BMPR1A: variants seen among roughly 807,000 people sequenced by gnomAD.
BMPR1A encodes the protein bone morphogenetic protein receptor type 1A, also known as bone morphogenetic protein receptor type-1A.
A neutral mutation model predicts 66.0 loss-of-function variants in BMPR1A; 7 were observed. That is an observed-to-expected ratio of 0.11 (90% CI 0.06 to 0.20). The LOEUF (loss-of-function observed/expected upper bound fraction) is 0.20, where lower values mean the gene tolerates loss of function less well. Ranked by LOEUF, BMPR1A falls within the 10% of genes least tolerant of loss-of-function variation. The pLI is 1.00. For synonymous variants in BMPR1A, 200 were observed against 229.7 expected, an observed-to-expected ratio of 0.87 and a Z score of 1.17; for missense variants, 408 against 669.1, an observed-to-expected ratio of 0.61 and a Z score of 4.31.
In BMPR1A at chr10:86,906,764, A is replaced by G. The variant is rs1482850637; in HGVS notation, c.531-5476A>G. On this transcript the variant is annotated intron_variant, in intron 7 of 12. Coordinates refer to ENST00000372037, the MANE Select transcript of BMPR1A (RefSeq NM_004329.3). The stretch of plus-strand genomic sequence containing the variant: ...AAAAAAAAAAAAAAAAAAAAAAAAC[A>G]CTTTGTCCTTTTATCTGTCTCTTCT... Among the ~76,000 whole-genome samples, 18 of 141,320 alleles carry G rather than the reference A, an allele frequency of 1.3e-4. 3 individuals carry two copies. Among genetic ancestry groups the G allele is most frequent in the Admixed American group, 1.2e-3 (16 of 13,446 alleles). 92.7% of individuals were successfully genotyped at this position (141,320 alleles called of 152,430 possible).
chr10:86,836,034 T>C (rs1842341539), intron 1 of BMPR1A, among the ~76,000 whole-genome samples: 1 of 152,238 alleles, frequency 6.6e-6, no homozygotes, highest in Non-Finnish European at 1.5e-5. Flanking sequence ...TTCTTTTTAA[T>C]GTGTTTTCTA....
intron 1 of BMPR1A, among the ~76,000 whole-genome samples, chr10:86,837,281 G>T (rs1307147873): frequency 6.8e-6 from 1 of 147,236 alleles, no homozygotes; most frequent in African/African-American, 2.5e-5. Context: ...GTGTAATCAG[G>T]CTGGTCTCGA....
At chr10:86,855,019 C>T (rs11202228) in intron 2 of BMPR1A, 22,122 of 210,028 alleles carry the variant, frequency 0.11, 1,665 homozygotes, top group African/African-American at 0.21. Flanking sequence ...TCCCTGCAAC[C>T]TCAGCTGCTT....
At chr10:86,770,608 C>T (rs932975135) in intron 1 of BMPR1A, among the ~76,000 whole-genome samples, 2 of 152,164 alleles carry the variant, frequency 1.3e-5, no homozygotes, top group Admixed American at 1.3e-4. Context: ...TCCAGTCTCT[C>T]TCCTCCCTCC....
chr10:86,797,068 C>CTTTTTTTTTT (rs780930060), intron 1 of BMPR1A, among the ~76,000 whole-genome samples: 45 of 105,020 alleles, frequency 4.3e-4, no homozygotes, highest in Non-Finnish European at 5.5e-4. Flanking sequence ...CTTTTCTTTT[C>CTTTTTTTTTT]TTTTTTTTTT....
chr10:86,785,383 G>T (rs527315705), intron 1 of BMPR1A, among the ~76,000 whole-genome samples: 2 of 152,176 alleles, frequency 1.3e-5, no homozygotes, highest in African/African-American at 4.8e-5. Flanking sequence ...TCAGCCCACC[G>T]CAATCTGCGC....
At chr10:86,915,310 C>T (rs1419504852) in intron 8 of BMPR1A, among the ~76,000 whole-genome samples, 8 of 152,148 alleles carry the variant, frequency 5.3e-5, no homozygotes, top group African/African-American at 1.7e-4. Flanking sequence ...GGATTACAGG[C>T]GTGAGCCACC....
At position 86,858,969 on chromosome 10, in the gene BMPR1A, G is replaced by T. The variant is rs1338175743; in HGVS notation, c.-152-16898G>T. Among the ~76,000 whole-genome samples, 4 of 152,276 alleles carry T rather than the reference G, an allele frequency of 2.6e-5. No individual in the cohort carries two copies. The South Asian group carries it at 6.2e-4, about 24-fold the overall frequency. On this transcript the variant is annotated intron_variant, in intron 2 of 12. Transcript: ENST00000372037. ...ATAAAGGACTGCAAATGCCAAAGCG[G>T]TTCTGAGCCAAAAGGACAAAGCTAG...
intron 1 of BMPR1A, among the ~76,000 whole-genome samples, chr10:86,766,825 GTTTT>G (rs1163287108): frequency 7.5e-6 from 1 of 134,106 alleles, no homozygotes; most frequent in African/African-American, 2.7e-5. Flanking sequence ...AGCCAGGATG[GTTTT>G]TTTTTTTTTT....
chr10:86,917,467 G>C, intron 9 of BMPR1A, 141 bp downstream of exon 9: 1 of 1,026,180 alleles, frequency 9.7e-7, no homozygotes, highest in Non-Finnish European at 1.5e-6. Flanking sequence ...TACACGGTTT[G>C]AATAAAACAT....
chr10:86,908,135 C>T (rs1408614723), intron 7 of BMPR1A, among the ~76,000 whole-genome samples: 2 of 152,006 alleles, frequency 1.3e-5, no homozygotes, highest in East Asian at 3.9e-4. Context: ...GCCCAGGAGG[C>T]GGAGGTTGCA....
chr10:86,768,097 C>T (rs1841196705), intron 1 of BMPR1A, among the ~76,000 whole-genome samples: 1 of 152,164 alleles, frequency 6.6e-6, no homozygotes, highest in Admixed American at 6.5e-5. Flanking sequence ...TCTGTCATTT[C>T]TCTTGCAGAT....
At chr10:86,794,049 C>T (rs1157987054) in intron 1 of BMPR1A, among the ~76,000 whole-genome samples, 1 of 152,186 alleles carries the variant, frequency 6.6e-6, no homozygotes, top group South Asian at 2.1e-4. Context: ...TTGGTCCCAA[C>T]AAGCTCATCC....
At chr10:86,932,139 C>G (rs1288501215), downstream of BMPR1A, 3 of 152,186 alleles carry the variant, frequency 2.0e-5, no homozygotes, top group Admixed American at 1.3e-4. Flanking sequence ...CACAGAGACT[C>G]ATCTTGTAAT....
intron 1 of BMPR1A, 114 bp from the exon 2 acceptor site, chr10:86,838,751 T>C (rs1842387186): frequency 6.6e-6 from 1 of 152,230 alleles, no homozygotes; most frequent in African/African-American, 2.4e-5. Context: ...TTTCATTGAC[T>C]TTACTTTGAA....
intron 2 of BMPR1A, chr10:86,855,419 G>A (rs939556927): frequency 2.1e-5 from 15 of 714,238 alleles, no homozygotes; most frequent in African/African-American, 5.3e-5. Flanking sequence ...CTGTTAAAAT[G>A]CTCCATACTT....
intron 1 of BMPR1A, among the ~76,000 whole-genome samples, chr10:86,767,842 A>T (rs1387805891): frequency 6.6e-6 from 1 of 152,132 alleles, no homozygotes; most frequent in African/African-American, 2.4e-5. Flanking sequence ...AGCAGGGAAG[A>T]TGGTCTCTTG....
At chr10:86,859,824 C>T (rs1279548348) in intron 2 of BMPR1A, among the ~76,000 whole-genome samples, 1 of 151,892 alleles carries the variant, frequency 6.6e-6, no homozygotes, top group Non-Finnish European at 1.5e-5. Flanking sequence ...ACAAAAAGAA[C>T]TTGCATATAA....
At chr10:86,915,846 T>C (rs1257313530) in intron 8 of BMPR1A, among the ~76,000 whole-genome samples, 1 of 152,226 alleles carries the variant, frequency 6.6e-6, no homozygotes, top group Non-Finnish European at 1.5e-5. Flanking sequence ...ATAATGTTCT[T>C]TTTAATTTAG....
Sources: allele counts gnomAD v4.1 joint callset (sites outside exome capture counted in the v4.1 genomes callset), GRCh38; gene constraint gnomAD v4.1.1; transcripts MANE v1.5; gene names NCBI Gene and HGNC (gene_info 2026-07-23, HGNC 2026-07-21).